TRIM46: variants seen among roughly 807,000 people sequenced by gnomAD.
TRIM46 encodes tripartite motif-containing protein 46.
TRIM46 carries 17 observed loss-of-function variants against 69.7 expected under a neutral mutation model. The observed-to-expected ratio is 0.24, with a 90% confidence interval of 0.17 to 0.37. The LOEUF (loss-of-function observed/expected upper bound fraction) is 0.37. TRIM46 is among the 10% of genes least tolerant of loss of function. The probability of loss-of-function intolerance (pLI) is 1.00; values close to 1 mark genes in which losing one functional copy is unlikely to be tolerated. For synonymous variants in TRIM46, 391 were observed against 429.0 expected, an observed-to-expected ratio of 0.91 and a Z score of 1.09; for missense variants, 675 against 1,025.1, an observed-to-expected ratio of 0.66 and a Z score of 4.66.
Position 155,183,077 on chromosome 1 carries a change from A to AT in TRIM46, c.1887-714dup, listed in dbSNP as rs1304130547. Among the ~76,000 whole-genome samples, 4 of 151,576 alleles carry AT rather than the reference A, an allele frequency of 2.6e-5. No individual in the cohort carries two copies. The East Asian group carries it at 5.9e-4, about 22-fold the overall frequency. On this transcript the variant is annotated intron_variant, in intron 9 of 9. Coordinates refer to ENST00000334634, the MANE Select transcript of TRIM46 (RefSeq NM_025058.5). Reference sequence around the variant, plus strand: ...AGGCACCCGCCACCATGCCCAGCTAATTTTTTGTATTTTTAGTAGAGACGG... The same window carrying AT: ...AGGCACCCGCCACCATGCCCAGCTAATTTTTTTGTATTTTTAGTAGAGACGG...
Position 155,178,063 on chromosome 1 carries a change from TGGA to T in TRIM46, c.976_978del (p.Glu326del). On this transcript the variant is annotated inframe_deletion, in exon 6 of 10. Transcript: ENST00000334634. ...CTGGTGCGGGGGCTGGGGGCTGTGC[TGGA>T]GGAGAAGCGGGCATCACTGCTTCAG... The T allele has an allele frequency of 6.2e-7, 1 of 1,613,952 alleles. No homozygotes were observed. Among genetic ancestry groups the T allele is most frequent in the Non-Finnish European group, 8.5e-7 (1 of 1,179,994 alleles).
chr1:155,182,913 G>GTTT (rs71077987), intron 9 of TRIM46: 1,557 of 120,938 alleles, frequency 0.013, 39 homozygotes, highest in Non-Finnish European at 0.02. Flanking sequence ...CCAACTCCCT[G>GTTT]TTTTTTTTTT....
At position 155,175,948 on chromosome 1, in the gene TRIM46, C is replaced by T. The variant is rs768887755; in HGVS notation, c.386C>T (p.Pro129Leu). Residue 129 changes from proline to leucine, a missense_variant, in exon 3 of 10, where the codon CCG becomes CTG. Around this residue, in one of 5 missense-constraint regions of TRIM46, gnomAD observed 170 missense variants for 255.6 expected, o/e 0.67. Transcript: ENST00000334634. This position sits in a 1 kb window ranked among gnomAD's most constrained non-coding sequence, Gnocchi z 4.2. Reference sequence around the variant, plus strand: ...TTGCACCCCCAAGTGATCATGTTCCCGTGCCCAGCCTGCCAAGGTGATGTG... The same window carrying T: ...TTGCACCCCCAAGTGATCATGTTCCTGTGCCCAGCCTGCCAAGGTGATGTG... ...GALHPQVIMF[P>L]CPACQGDVEL... 16 of 1,607,084 alleles carry T rather than the reference C, an allele frequency of 1.0e-5. No homozygotes were observed. The highest frequency in any genetic ancestry group is 1.3e-5 in the Non-Finnish European group (15 of 1,175,388).
intron 9 of TRIM46, chr1:155,182,381 G>A: frequency 5.1e-6 from 3 of 588,552 alleles, no homozygotes; most frequent in Non-Finnish European, 9.0e-6. Context: ...CAGGGAAAGG[G>A]ATGATAGAAG....
At position 155,175,400 on chromosome 1, in the gene TRIM46, C is replaced by G. The variant is rs1217958591; in HGVS notation, c.78C>G (p.Asn26Lys). Residue 26 changes from asparagine to lysine, a missense_variant, in exon 2 of 10, where the codon AAC (asparagine) becomes AAG (lysine). Asn to Lys is a moderately conservative substitution (Grantham distance 94, BLOSUM62 0). This residue lies in a region of TRIM46 where 170 missense variants were observed against 255.6 expected (regional missense o/e 0.67). Transcript: ENST00000334634. The surrounding 1 kb of genome is among the most constrained non-coding windows in gnomAD (Gnocchi z 4.2). ...ALVRISTSMK[N>K]MEKELLCPVC... is the part of the protein sequence containing the mutation. ...TCCCTCCACAGACCAGCATGAAGAA[C>G]ATGGAGAAGGAACTGCTGTGCCCAG... The G allele has an allele frequency of 1.2e-6, 2 of 1,613,912 alleles. No homozygotes were observed. The highest frequency in any genetic ancestry group is 2.2e-5 in the South Asian group (2 of 91,076).
chr1:155,178,865 C>T, intron 7 of TRIM46: 1 of 1,427,464 alleles, frequency 7.0e-7, no homozygotes, highest in Non-Finnish European at 9.3e-7. Context: ...GCGGCCCTGC[C>T]CCGGGGGCCC....
chr1:155,183,199 T>C (rs541466801), intron 9 of TRIM46, among the ~76,000 whole-genome samples: 17 of 151,874 alleles, frequency 1.1e-4, no homozygotes, highest in African/African-American at 1.2e-4. Context: ...CGTGAGCCAC[T>C]GTGCCTGGCC....
At chr1:155,177,337 G>C in intron 5 of TRIM46, 47 bp downstream of exon 5, 1 of 1,489,340 alleles carries the variant, frequency 6.7e-7, no homozygotes, top group Non-Finnish European at 9.4e-7. Context: ...CTGGGAGTAG[G>C]GGCAGGAAGG....
Position 155,181,726 on chromosome 1 carries a change from C to G in TRIM46, c.1589-126C>G. 9.7e-7 allele frequency: 1 copy of G among 1,035,854 alleles called. No homozygotes were observed. 64.2% of individuals were successfully genotyped at this position (1,035,854 alleles called of 1,614,324 possible). A position where few individuals can be genotyped will look rare whatever the true frequency, so the allele number is the denominator to read the frequency against. ...TTTCCCATGTCCTGTTCTCCTGAAC[C>G]CCCTGCCTGTTCCTGGTGACTGAAC... On this transcript the variant is annotated intron_variant, in intron 8 of 9. Coordinates refer to ENST00000334634, the MANE Select transcript of TRIM46 (RefSeq NM_025058.5). This position sits in a 1 kb window ranked among gnomAD's most constrained non-coding sequence, Gnocchi z 4.3.
chr1:155,183,854 G>T lies in TRIM46; in HGVS notation c.1944G>T (p.Ser648=). The T allele has an allele frequency of 6.2e-7, 1 of 1,611,694 alleles. No individual in the cohort carries two copies. The highest frequency in any genetic ancestry group is 8.5e-7 in the Non-Finnish European group (1 of 1,180,028). ...SGAEDATVEA[S]PPFAFLTIGM... Reference sequence around the variant, plus strand: ...CCGAGGATGCCACAGTGGAGGCGTCGCCACCCTTCGCTTTCCTAACCATTG... The same window carrying T: ...CCGAGGATGCCACAGTGGAGGCGTCTCCACCCTTCGCTTTCCTAACCATTG... Residue 648 remains serine (S), a synonymous_variant, in exon 10 of 10, where the codon TCG becomes TCT. Transcript: ENST00000334634.
rs989486183 is a variant in TRIM46, at chr1:155,178,718, C to T, written c.1285+105C>T. 1.9e-6 allele frequency: 3 copies of T among 1,539,728 alleles called. No individual in the cohort carries two copies. In the African/African-American group the frequency reaches 4.1e-5, roughly 21 times the overall value. On this transcript the variant is annotated intron_variant, in intron 7 of 9. Coordinates refer to ENST00000334634, the MANE Select transcript of TRIM46 (RefSeq NM_025058.5). ...TACCGGGGACCTCCCCGGCCTCCTGCCCGGCCTGGCCAGCCATTCCTCCCA... is the reference window on the plus strand; with the variant it reads ...TACCGGGGACCTCCCCGGCCTCCTGTCCGGCCTGGCCAGCCATTCCTCCCA...
chr1:155,178,360 G>C (rs1389091755), intron 6 of TRIM46, 105 bp downstream of exon 6: 9 of 1,562,330 alleles, frequency 5.8e-6, no homozygotes, highest in Non-Finnish European at 7.8e-6. Context: ...GCATTCTAAG[G>C]ATTCTCATGA....
At chr1:155,180,397 C>T in intron 8 of TRIM46, 1 of 352,544 alleles carries the variant, frequency 2.8e-6, no homozygotes, top group Non-Finnish European at 5.1e-6. Flanking sequence ...GAGTTTGAGA[C>T]CAGCCTGGCC....
chr1:155,181,468 C>T lies in TRIM46; in HGVS notation c.1589-384C>T, dbSNP rs1331461400. 4.6e-5 allele frequency among the ~76,000 whole-genome samples: 7 copies of T among 151,962 alleles called. No homozygotes were observed. The highest frequency in any genetic ancestry group is 1.0e-4 in the Non-Finnish European group (7 of 68,002). On this transcript the variant is annotated intron_variant, in intron 8 of 9. Coordinates refer to ENST00000334634, the MANE Select transcript of TRIM46 (RefSeq NM_025058.5). The surrounding 1 kb of genome is among the most constrained non-coding windows in gnomAD (Gnocchi z 4.3). ...CTGGGTATAAGGGCCAGGTGTGAAC[C>T]CAGAGTATGGGCTGGAAGGCACAGA...
Position 155,184,248 on chromosome 1 carries a change from C to A in TRIM46, c.*58C>A. ...CTCCTGGGCCCTGGCCCCCAAACCT[C>A]TTGGCACCCGGTTGTTACCCCCTGG... On this transcript the variant is annotated 3_prime_UTR_variant, in exon 10 of 10. Transcript: ENST00000334634. This position sits in a 1 kb window ranked among gnomAD's most constrained non-coding sequence, Gnocchi z 5.6. 1 of 1,487,018 alleles carries A rather than the reference C, an allele frequency of 6.7e-7. No individual in the cohort carries two copies. Among genetic ancestry groups the A allele is most frequent in the Middle Eastern group, 1.9e-4 (1 of 5,296 alleles). 92.1% of individuals were successfully genotyped at this position (1,487,018 alleles called of 1,614,324 possible).
chr1:155,176,012 C>G lies in TRIM46; in HGVS notation c.450C>G (p.Asn150Lys). The G allele has an allele frequency of 6.2e-7, 1 of 1,614,044 alleles. No individual in the cohort carries two copies. The highest frequency in any genetic ancestry group is 8.5e-7 in the Non-Finnish European group (1 of 1,179,964). The change falls in exon 3 of 10, where the codon AAC (asparagine) becomes AAG (lysine). Residue 150 changes from asparagine to lysine, a missense_variant. Transcript: ENST00000334634. The stretch of plus-strand genomic sequence containing the variant: ...GGGGTCTGGCAGGGCTTTTCCGGAA[C>G]CTGACCCTGGAGCGTGTGGTGGAGC... ...GERGLAGLFR[N>K]LTLERVVERY... is the part of the protein sequence containing the mutation.
rs1418498393 is a variant in TRIM46, at chr1:155,175,573, C to T, written c.251C>T (p.Pro84Leu). The T allele has an allele frequency of 1.2e-6, 2 of 1,613,538 alleles. No homozygotes were observed. The highest frequency in any genetic ancestry group is 8.5e-7 in the Non-Finnish European group (1 of 1,179,890). Residue 84 changes from proline (P) to leucine (L), a missense_variant, in exon 2 of 10, where the codon CCT (proline) becomes CTT (leucine). By Grantham distance (98) the Pro-to-Leu change is moderately conservative. Around this residue, in one of 5 missense-constraint regions of TRIM46, gnomAD observed 170 missense variants for 255.6 expected, o/e 0.67. Transcript: ENST00000334634. The surrounding 1 kb of genome is among the most constrained non-coding windows in gnomAD (Gnocchi z 4.2). ...GAGCCCACCTCTCCTGCCTCCACCC[C>T]TTCCACCCGCAGCCCCCGCCTCTCC... ...SSEPTSPAST[P>L]STRSPRLSRR...
Position 155,174,022 on chromosome 1 carries a change from G to T in TRIM46, c.56G>T (p.Arg19Leu). The T allele has an allele frequency of 6.4e-7, 1 of 1,563,628 alleles. No individual in the cohort carries two copies. Among genetic ancestry groups the T allele is most frequent in the Non-Finnish European group, 8.7e-7 (1 of 1,154,472 alleles). The change falls in exon 1 of 10, where the codon CGC (arginine) becomes CTC (leucine). Residue 19 changes from arginine (R) to leucine (L), a missense_variant. By Grantham distance (102) the Arg-to-Leu change is moderately radical. Around this residue, in one of 5 missense-constraint regions of TRIM46, gnomAD observed 170 missense variants for 255.6 expected, o/e 0.67. Coordinates refer to ENST00000334634, the MANE Select transcript of TRIM46 (RefSeq NM_025058.5). ...TFTSIMDALVRISTSMKNMEK... is the reference protein window; with the variant it reads ...TFTSIMDALVLISTSMKNMEK... ...ACTTCCATCATGGACGCACTGGTCC[G>T]CATCAGTGTGAGTTAAGGTGGGGTC...
intron 1 of TRIM46, chr1:155,174,558 C>T: frequency 2.0e-6 from 3 of 1,481,956 alleles, no homozygotes; most frequent in South Asian, 1.3e-5. Flanking sequence ...TTCCCCCCCA[C>T]CACTTCCTCC....
Sources: gnomAD v4.1 joint callset for allele counts (sites outside exome capture counted in the v4.1 genomes callset) on GRCh38, gnomAD v4.1.1 for gene constraint, gnomAD v4.1.1 regional missense constraint, Gnocchi (gnomAD v3.1) non-coding constraint, MANE v1.5 for transcripts, NCBI Gene and HGNC (gene_info 2026-07-23, HGNC 2026-07-21) for gene names.